The following MMP26 variants were observed in gnomAD, a reference collection of about 807,000 sequenced individuals.
MMP26 encodes the protein matrix metalloproteinase-26.
A neutral mutation model predicts 31.0 loss-of-function variants in MMP26; 33 were observed. That is an observed-to-expected ratio of 1.06 (90% CI 0.81 to 1.42). The LOEUF (loss-of-function observed/expected upper bound fraction) is 1.42, where lower values mean the gene tolerates loss of function less well. Ranked by LOEUF, MMP26 falls within the 40% of genes most tolerant of loss-of-function variation. The pLI, the probability that MMP26 is intolerant of heterozygous loss-of-function variation, is 0.00. For synonymous variants in MMP26, 122 were observed against 114.9 expected, an observed-to-expected ratio of 1.06 and a Z score of -0.40; for missense variants, 347 against 316.1, an observed-to-expected ratio of 1.10 and a Z score of -0.74.
intron 2 of MMP26, among the ~76,000 whole-genome samples, chr11:4,917,947 AT>A: frequency 6.6e-6 from 1 of 151,520 alleles, no homozygotes; most frequent in Non-Finnish European, 1.5e-5. Context: ...TAATGTCAAA[AT>A]AAACCTAAGG....
intron 2 of MMP26, chr11:4,912,599 G>A (rs913928638): frequency 6.6e-6 from 1 of 152,090 alleles, no homozygotes; most frequent in African/African-American, 2.4e-5. Flanking sequence ...CCTTTTGCAT[G>A]TTAATACACA....
chr11:4,804,838 A>G (rs1003910961), intron 2 of MMP26, among the ~76,000 whole-genome samples: 1 of 151,482 alleles, frequency 6.6e-6, no homozygotes, highest in Admixed American at 6.6e-5. Flanking sequence ...GGCATGGTAG[A>G]GCACGCCTAT....
chr11:4,710,232 C>T (rs1310610040), intron 1 of MMP26: 1 of 456,618 alleles, frequency 2.2e-6, no homozygotes, highest in East Asian at 7.0e-5. Flanking sequence ...CTCCTATGTT[C>T]TGATCGTCCG....
intron 1 of MMP26, among the ~76,000 whole-genome samples, chr11:4,731,413 C>T (rs1408992821): frequency 6.6e-6 from 1 of 152,148 alleles, no homozygotes; most frequent in African/African-American, 2.4e-5. Flanking sequence ...AAATGTATAG[C>T]TCATTTGTGT....
chr11:4,988,169 T>G lies in MMP26; in HGVS notation c.-43T>G. 1 of 1,562,876 alleles carries G rather than the reference T, an allele frequency of 6.4e-7. No individual in the cohort carries two copies. The highest frequency in any genetic ancestry group is 2.2e-5 in the East Asian group (1 of 44,596). ...AGCTATAAAGATCCAGTGGCCCAAG[T>G]TGTGTACCTGAATTCAAGCAGTGGG... is the stretch of plus-strand genomic sequence containing the variant. On this transcript the variant is annotated 5_prime_UTR_variant, in exon 3 of 8. Transcript: ENST00000380390.
At chr11:4,810,558 G>A (rs1242876974) in intron 2 of MMP26, among the ~76,000 whole-genome samples, 1 of 152,216 alleles carries the variant, frequency 6.6e-6, no homozygotes, top group Non-Finnish European at 1.5e-5. Flanking sequence ...TGCACATAGA[G>A]TGTGTACATG....
chr11:4,855,922 A>T (rs547540813), intron 2 of MMP26, among the ~76,000 whole-genome samples: 1 of 152,212 alleles, frequency 6.6e-6, no homozygotes, highest in South Asian at 2.1e-4. Flanking sequence ...AATATTCAAC[A>T]TTCTTAAAGA....
At chr11:4,819,604 T>G (rs7124923) in intron 2 of MMP26, among the ~76,000 whole-genome samples, 76,892 of 122,998 alleles carry the variant, frequency 0.63, 23,728 homozygotes, top group Middle Eastern at 0.74. Flanking sequence ...TTTGAGACAG[T>G]GTTTCTCTCT....
chr11:4,708,944 T>A (rs1037197373), intron 1 of MMP26, among the ~76,000 whole-genome samples: 2 of 152,242 alleles, frequency 1.3e-5, no homozygotes, highest in African/African-American at 4.8e-5. Context: ...TTTTCTACTG[T>A]CACCCACTGT....
intron 2 of MMP26, among the ~76,000 whole-genome samples, chr11:4,987,745 T>G (rs1210343412): frequency 6.6e-6 from 1 of 152,228 alleles, no homozygotes; most frequent in Non-Finnish European, 1.5e-5. Context: ...TACTCTGATC[T>G]GGATCTTTAT....
intron 2 of MMP26, among the ~76,000 whole-genome samples, chr11:4,837,162 G>A (rs892586343): frequency 2.0e-5 from 3 of 151,902 alleles, no homozygotes; most frequent in African/African-American, 4.8e-5. Flanking sequence ...TTGCTATTTT[G>A]TCATTATTTT....
At position 4,803,584 on chromosome 11, in the gene MMP26, C is replaced by T. The variant is rs769867596; in HGVS notation, c.-145+36243C>T. 3.3e-5 allele frequency: 54 copies of T among 1,613,494 alleles called. No homozygotes were observed. The South Asian group carries it at 3.4e-4, about 10-fold the overall frequency. On this transcript the variant is annotated intron_variant, in intron 2 of 7. Transcript: ENST00000380390. ...AACTCGGGGCACATCATGGCCAAAG[C>T]GGTAGGTGAGGAAAGAAAAAAGGGC...
In MMP26 at chr11:4,882,153, G is replaced by C. The variant is rs1212057857; in HGVS notation, c.-144-105915G>C. On this transcript the variant is annotated intron_variant, in intron 2 of 7. Coordinates refer to ENST00000380390, the MANE Select transcript of MMP26 (RefSeq NM_021801.5). ...ATTACGACCCTTCCCACTGTGCTTG[G>C]TGTTCTCTGGTTTCATGCCCGGGAG... 6.2e-7 allele frequency: 1 copy of C among 1,613,862 alleles called. No homozygotes were observed. The highest frequency in any genetic ancestry group is 2.2e-5 in the East Asian group (1 of 44,836).
intron 2 of MMP26, chr11:4,943,884 T>C (rs1326985375): frequency 6.7e-6 from 3 of 446,442 alleles, no homozygotes; most frequent in Non-Finnish European, 1.3e-5. Context: ...ATACAGATGA[T>C]CTTTGATACT....
rs146607281 is a variant in MMP26, at chr11:4,841,890, G to A, written c.-145+74549G>A. Among the ~76,000 whole-genome samples the A allele has an allele frequency of 7.9e-3, 1,200 of 152,248 alleles. 12 individuals are homozygous for A. Among genetic ancestry groups the A allele is most frequent in the African/African-American group, 0.026 (1,082 of 41,554 alleles). ...AGAGGTTGTGGTGAGCCAAGATCAC[G>A]CCACTGCACTGCAGCCTGGGCAACA... On this transcript the variant is annotated intron_variant, in intron 2 of 7. Coordinates refer to ENST00000380390, the MANE Select transcript of MMP26 (RefSeq NM_021801.5).
At chr11:4,875,907 C>T (rs1395509133) in intron 2 of MMP26, 2 of 152,116 alleles carry the variant, frequency 1.3e-5, no homozygotes, top group Admixed American at 1.3e-4. Context: ...AGCTCAGATC[C>T]CTTTAGTACT....
At chr11:4,852,972 A>T (rs911380974) in intron 2 of MMP26, among the ~76,000 whole-genome samples, 2 of 152,174 alleles carry the variant, frequency 1.3e-5, no homozygotes, top group African/African-American at 4.8e-5. Context: ...ATGCTGCACG[A>T]CCTCACTTTT....
chr11:4,795,506 A>G (rs1373463937), intron 2 of MMP26, among the ~76,000 whole-genome samples: 9 of 152,196 alleles, frequency 5.9e-5, no homozygotes, highest in African/African-American at 2.2e-4. Flanking sequence ...CACATTTTTT[A>G]CTCAATTAAA....
At chr11:4,934,618 G>C (rs957791287) in intron 2 of MMP26, among the ~76,000 whole-genome samples, 1 of 144,294 alleles carries the variant, frequency 6.9e-6, no homozygotes, top group Non-Finnish European at 1.5e-5. Context: ...TGTTGCCATT[G>C]CTTTTGGTGT....
Sources: gnomAD v4.1 joint callset for allele counts (sites outside exome capture counted in the v4.1 genomes callset) on GRCh38, gnomAD v4.1.1 for gene constraint, MANE v1.5 for transcripts, NCBI Gene and HGNC (gene_info 2026-07-23, HGNC 2026-07-21) for gene names.